Variants in VAMP4 observed in about 807,000 individuals in gnomAD.
VAMP4 encodes vesicle associated membrane protein 4.
VAMP4 carries 19 observed loss-of-function variants against 23.5 expected under a neutral mutation model. The observed-to-expected ratio is 0.81, with a 90% confidence interval of 0.56 to 1.19. VAMP4 has a LOEUF of 1.19. VAMP4 is among the 50% of genes most tolerant of loss of function. The pLI is 0.00. For synonymous variants in VAMP4, 31 were observed against 51.0 expected, an observed-to-expected ratio of 0.61 and a Z score of 1.67; for missense variants, 145 against 168.6, an observed-to-expected ratio of 0.86 and a Z score of 0.78.
At chr1:171,737,444 G>A (rs566124066) in intron 2 of VAMP4, among the ~76,000 whole-genome samples, 1 of 152,094 alleles carries the variant, frequency 6.6e-6, no homozygotes, top group Admixed American at 6.6e-5. Context: ...TATTTGCATA[G>A]AATGTTCTGG....
chr1:171,725,631 G>C (rs1655337878), intron 3 of VAMP4, among the ~76,000 whole-genome samples: 1 of 151,862 alleles, frequency 6.6e-6, no homozygotes. Flanking sequence ...ACTATTTTCT[G>C]TTACTGGATT....
At chr1:171,737,417 A>T (rs1192376200) in intron 2 of VAMP4, among the ~76,000 whole-genome samples, 1 of 152,232 alleles carries the variant, frequency 6.6e-6, no homozygotes, top group African/African-American at 2.4e-5. Flanking sequence ...ATGCGGCATA[A>T]TTTCTAGATT....
chr1:171,734,956 T>C (rs1655691167), intron 2 of VAMP4, among the ~76,000 whole-genome samples: 1 of 152,228 alleles, frequency 6.6e-6, no homozygotes, highest in Non-Finnish European at 1.5e-5. Flanking sequence ...GAAGTAATTT[T>C]TCCTGCCCTT....
intron 4 of VAMP4, among the ~76,000 whole-genome samples, chr1:171,715,213 C>T (rs192483980): frequency 3.0e-3 from 455 of 152,144 alleles, no homozygotes; most frequent in African/African-American, 0.01. Context: ...AAATTAAGAA[C>T]GCAAAGGAAA....
chr1:171,718,148 C>A (rs1424335068), intron 4 of VAMP4, among the ~76,000 whole-genome samples: 1 of 152,138 alleles, frequency 6.6e-6, no homozygotes, highest in East Asian at 1.9e-4. Flanking sequence ...TACACCCAGT[C>A]TAGTACCTGT....
chr1:171,700,396 T>C lies in VAMP4; in HGVS notation c.*4110A>G, dbSNP rs1218004648. 6.6e-6 allele frequency: 1 copy of C among 152,204 alleles called. No homozygotes were observed. The highest frequency in any genetic ancestry group is 1.5e-5 in the Non-Finnish European group (1 of 68,020). The allele number at this position is 152,204 out of a possible 1,614,324, so 9.4% of individuals were successfully genotyped here. The stretch of plus-strand genomic sequence containing the variant: ...AAATAAGGGAGTGTGGAATTTAAAA[T>C]AATGACATATACCCAAGACACAAAA... On this transcript the variant is annotated 3_prime_UTR_variant, in exon 8 of 8. Transcript: ENST00000236192.
intron 2 of VAMP4, 99 bp downstream of exon 2, chr1:171,738,250 G>A (rs548627901): frequency 3.6e-6 from 5 of 1,389,572 alleles, no homozygotes; most frequent in African/African-American, 1.5e-5. Context: ...TTGCAGGCAT[G>A]AGCAACCACG....
chr1:171,731,519 T>TA (rs1210778667), intron 2 of VAMP4, among the ~76,000 whole-genome samples: 10 of 152,120 alleles, frequency 6.6e-5, no homozygotes, highest in Non-Finnish European at 1.3e-4. Flanking sequence ...TAGGCTGTCA[T>TA]AAAAAATCAC....
At position 171,709,667 on chromosome 1, in the gene VAMP4, T is replaced by A; in HGVS notation, c.343A>T (p.Lys115Ter). The A allele has an allele frequency of 6.2e-7, 1 of 1,613,104 alleles. No homozygotes were observed. The highest frequency in any genetic ancestry group is 1.1e-5 in the South Asian group (1 of 91,070). ...LRRQMWWRGC[K>*]IKAIMALVAA... ...CCAGTAGCTTCTGATTTACTTACTT[T>A]GCATCCACGCCACCACATTTGCCTT... is the stretch of plus-strand genomic sequence containing the variant. The change falls in exon 6 of 8, where the codon AAA (lysine) becomes TAA (stop). Residue 115 changes from lysine to a stop codon, truncating the protein, a stop_gained and splice_region_variant. Transcript: ENST00000236192. LOFTEE classifies it high-confidence loss of function.
rs748829095 is a variant in VAMP4, at chr1:171,704,528, A to G, written c.404T>C (p.Ile135Thr). The change falls in exon 8 of 8, where the codon ATA (isoleucine) becomes ACA (threonine). Residue 135 changes from isoleucine to threonine, a missense_variant. Physicochemically the swap from Ile to Thr is moderately conservative, Grantham distance 89. Transcript: ENST00000236192. ...AILLLVIIILIVMKYRT is the reference protein window; with the variant it reads ...AILLLVIIILTVMKYRT Reference sequence around the variant, plus strand: ...AAATCAAGTACGGTATTTCATGACTATAAGAACTGTAAGAGAAAACATGAA... The same window carrying G: ...AAATCAAGTACGGTATTTCATGACTGTAAGAACTGTAAGAGAAAACATGAA... The G allele has an allele frequency of 2.9e-5, 46 of 1,583,336 alleles. No individual in the cohort carries two copies. In the East Asian group the frequency reaches 8.5e-4, roughly 29 times the overall value.
chr1:171,740,874 C>T (rs1459248034), intron 1 of VAMP4, among the ~76,000 whole-genome samples: 1 of 152,206 alleles, frequency 6.6e-6, no homozygotes, highest in African/African-American at 2.4e-5. Flanking sequence ...CCATGTGCAA[C>T]AAATAGCCCA....
At chr1:171,741,141 A>G (rs527238491) in intron 1 of VAMP4, among the ~76,000 whole-genome samples, 7 of 152,346 alleles carry the variant, frequency 4.6e-5, no homozygotes, top group African/African-American at 9.6e-5. Context: ...CCACTATACA[A>G]TTCACTCAAA....
chr1:171,727,027 T>C (rs1255920224), intron 3 of VAMP4, among the ~76,000 whole-genome samples: 2 of 148,656 alleles, frequency 1.3e-5, no homozygotes, highest in Non-Finnish European at 3.0e-5. Flanking sequence ...AGGCCAGGAG[T>C]TTGAGACCAG....
Position 171,709,661 on chromosome 1 carries a change from T to A in VAMP4, c.345+4A>T. ...GTCTATCCAGTAGCTTCTGATTTAC[T>A]TACTTTGCATCCACGCCACCACATT... is the stretch of plus-strand genomic sequence containing the variant. On this transcript the variant is annotated splice_donor_region_variant and intron_variant, in intron 6 of 7. Transcript: ENST00000236192. The A allele has an allele frequency of 1.2e-6, 2 of 1,612,378 alleles. No homozygotes were observed. The highest frequency in any genetic ancestry group is 1.7e-6 in the Non-Finnish European group (2 of 1,178,888).
intron 3 of VAMP4, among the ~76,000 whole-genome samples, chr1:171,725,647 C>T (rs1655338337): frequency 6.6e-6 from 1 of 152,092 alleles, no homozygotes; most frequent in Non-Finnish European, 1.5e-5. Context: ...GGATTTGCTG[C>T]TATCTATCCT....
intron 3 of VAMP4, among the ~76,000 whole-genome samples, chr1:171,722,386 A>C (rs1448524101): frequency 6.6e-6 from 1 of 152,218 alleles, no homozygotes; most frequent in Non-Finnish European, 1.5e-5. Context: ...AATGTCAACA[A>C]AAGCCAAAAT....
At chr1:171,729,184 C>CT (rs1655479956) in intron 2 of VAMP4, among the ~76,000 whole-genome samples, 1 of 152,134 alleles carries the variant, frequency 6.6e-6, no homozygotes. Context: ...CAAAAGGTGA[C>CT]TAAAGAAGAG....
At chr1:171,731,048 C>CAAAA (rs11370834) in intron 2 of VAMP4, among the ~76,000 whole-genome samples, 6 of 147,050 alleles carry the variant, frequency 4.1e-5, no homozygotes, top group Non-Finnish European at 7.5e-5. Context: ...ACTAAAAATA[C>CAAAA]AAAAAAACAA....
At position 171,710,189 on chromosome 1, in the gene VAMP4, GT is replaced by G. The variant is rs1035429253; in HGVS notation, c.266-446del. Among the ~76,000 whole-genome samples, 112 of 143,994 alleles carry G rather than the reference GT, an allele frequency of 7.8e-4. 2 individuals are homozygous for G. Among genetic ancestry groups the G allele is most frequent in the East Asian group, 1.6e-3 (8 of 4,934 alleles). 94.5% of individuals were successfully genotyped at this position (143,994 alleles called of 152,430 possible). On this transcript the variant is annotated intron_variant, in intron 5 of 7. Coordinates refer to ENST00000236192, the MANE Select transcript of VAMP4 (RefSeq NM_003762.5). ...CATTTTAAATGTGACTAAGCGAGGTGTTTTTTTTTTTTCTAAAGTCTGTCAA... is the reference window on the plus strand; with the variant it reads ...CATTTTAAATGTGACTAAGCGAGGTGTTTTTTTTTTTCTAAAGTCTGTCAA...
Sources: allele counts gnomAD v4.1 joint callset (sites outside exome capture counted in the v4.1 genomes callset), GRCh38; gene constraint gnomAD v4.1.1; transcripts MANE v1.5; gene names NCBI Gene and HGNC (gene_info 2026-07-23, HGNC 2026-07-21).